RBFOX1: variants seen among roughly 807,000 people sequenced by gnomAD.
The protein encoded by RBFOX1 is RNA binding fox-1 homolog 1.
A neutral mutation model predicts 57.7 loss-of-function variants in RBFOX1; 8 were observed. The observed-to-expected ratio is 0.14, with a 90% confidence interval of 0.08 to 0.25. The LOEUF is 0.25. RBFOX1 is among the 10% of genes least tolerant of loss of function. RBFOX1 has a pLI of 1.00. For synonymous variants in RBFOX1, 326 were observed against 222.4 expected (o/e 1.47, Z -4.15); for missense variants, 611 against 548.5 (o/e 1.11, Z -1.14).
rs186654918 is a variant in RBFOX1, at chr16:5,952,664, T to G, written c.351+85329T>G. Among the ~76,000 whole-genome samples the G allele has an allele frequency of 9.2e-5, 14 of 152,236 alleles. No homozygotes were observed. In the South Asian group the frequency reaches 1.0e-3, roughly 11 times the overall value. On this transcript the variant is annotated intron_variant, in intron 4 of 19. Transcript: ENST00000641259. ...TCGATAGTGATGGGTGTAGCTGTAA[T>G]TAGTGATTCTCCCGCTTCAGAATGC...
chr16:6,721,503 A>G (rs1370396412), intron 3 of RBFOX1, among the ~76,000 whole-genome samples: 4 of 152,194 alleles, frequency 2.6e-5, no homozygotes, highest in African/African-American at 9.7e-5. Context: ...GTAATGTTAA[A>G]TGCATTCATA....
chr16:6,418,477 A>G (rs1596957076), intron 2 of RBFOX1, among the ~76,000 whole-genome samples: 2 of 150,624 alleles, frequency 1.3e-5, no homozygotes, highest in East Asian at 3.9e-4. Flanking sequence ...CTTGGAATTC[A>G]CATCATCTAC....
intron 2 of RBFOX1, among the ~76,000 whole-genome samples, chr16:6,580,968 T>C (rs984398282): frequency 6.6e-6 from 1 of 151,954 alleles, no homozygotes; most frequent in East Asian, 1.9e-4. Flanking sequence ...GGCAAGCTTC[T>C]GAAGCATTGA....
At chr16:6,373,571 T>C (rs890506966) in intron 2 of RBFOX1, among the ~76,000 whole-genome samples, 55 of 151,784 alleles carry the variant, frequency 3.6e-4, no homozygotes, top group African/African-American at 1.2e-3. Flanking sequence ...TTGTGTAGAA[T>C]GGAGATTGGG....
At chr16:5,630,457 G>GA (rs941385609) in intron 3 of RBFOX1, among the ~76,000 whole-genome samples, 4 of 151,188 alleles carry the variant, frequency 2.6e-5, no homozygotes, top group African/African-American at 9.8e-5. Context: ...ACTCTGTCTC[G>GA]AAAAAAAAGA....
intron 3 of RBFOX1, among the ~76,000 whole-genome samples, chr16:5,856,016 C>T (rs1403722442): frequency 8.8e-6 from 1 of 113,504 alleles, no homozygotes; most frequent in East Asian, 2.8e-4. Flanking sequence ...AATAAGATTA[C>T]TTTCCTAATT....
chr16:7,348,854 A>C (rs888765457), intron 4 of RBFOX1, among the ~76,000 whole-genome samples: 2 of 152,120 alleles, frequency 1.3e-5, no homozygotes, highest in African/African-American at 4.8e-5. Flanking sequence ...AGGCAGGAGA[A>C]TCCCTTGAAC....
chr16:6,710,810 C>G (rs1316912934), intron 3 of RBFOX1, among the ~76,000 whole-genome samples: 1 of 152,188 alleles, frequency 6.6e-6, no homozygotes, highest in African/African-American at 2.4e-5. Flanking sequence ...AATGAGAGAT[C>G]CTCTTCCCCT....
intron 4 of RBFOX1, among the ~76,000 whole-genome samples, chr16:7,405,781 T>G (rs905378777): frequency 6.6e-6 from 1 of 152,146 alleles, no homozygotes; most frequent in Non-Finnish European, 1.5e-5. Flanking sequence ...TTTTGCCTGG[T>G]AAGTAAAGGT....
intron 2 of RBFOX1, among the ~76,000 whole-genome samples, chr16:6,517,398 C>G (rs964524593): frequency 6.6e-6 from 1 of 152,104 alleles, no homozygotes; most frequent in Non-Finnish European, 1.5e-5. Context: ...TTAGGCATGA[C>G]AGTTTATTAC....
intron 3 of RBFOX1, among the ~76,000 whole-genome samples, chr16:6,750,672 A>T (rs1191720402): frequency 1.3e-5 from 2 of 152,336 alleles, no homozygotes; most frequent in East Asian, 3.9e-4. Context: ...AGGGGTGTTC[A>T]TTGATTCATT....
intron 3 of RBFOX1, among the ~76,000 whole-genome samples, chr16:5,793,877 G>A (rs951047512): frequency 2.0e-5 from 3 of 152,212 alleles, no homozygotes; most frequent in South Asian, 2.1e-4. Flanking sequence ...AATCCAGCAC[G>A]TTCTCCCTGA....
At chr16:5,857,153 C>G (rs1411377665) in intron 3 of RBFOX1, among the ~76,000 whole-genome samples, 1 of 152,040 alleles carries the variant, frequency 6.6e-6, no homozygotes, top group Non-Finnish European at 1.5e-5. Context: ...TATTGTGTCT[C>G]AGAGAATAGG....
intron 1 of RBFOX1, among the ~76,000 whole-genome samples, chr16:6,070,669 A>G (rs888974091): frequency 6.6e-6 from 1 of 152,128 alleles, no homozygotes; most frequent in African/African-American, 2.4e-5. Context: ...GCTTTTCTAA[A>G]AAAAAAATTC....
chr16:6,802,106 T>G (rs2085609668), intron 3 of RBFOX1, among the ~76,000 whole-genome samples: 1 of 152,080 alleles, frequency 6.6e-6, no homozygotes, highest in Non-Finnish European at 1.5e-5. Flanking sequence ...CAAGTCCTGT[T>G]AAGAAATCCT....
intron 4 of RBFOX1, among the ~76,000 whole-genome samples, chr16:7,455,359 G>C (rs919653737): frequency 6.6e-6 from 1 of 152,122 alleles, no homozygotes; most frequent in South Asian, 2.1e-4. Flanking sequence ...GTGCATGTAT[G>C]TCTCTGTGCA....
At chr16:6,829,368 C>G (rs1043293365) in intron 3 of RBFOX1, among the ~76,000 whole-genome samples, 4 of 150,742 alleles carry the variant, frequency 2.7e-5, no homozygotes, top group Middle Eastern at 3.5e-3. Context: ...AATGTGTACA[C>G]ACACATACAT....
rs543502353 is a variant in RBFOX1 at position 7,690,748 on chromosome 16, C to A, written c.995+13910C>A. ...CATATGTGTCTCTGGTCATCTGGGG[C>A]AAATGGCTTGAGAGAGGGTCATAGA... On this transcript the variant is annotated intron_variant, in intron 14 of 15. Transcript: ENST00000550418. Among the ~76,000 whole-genome samples the A allele has an allele frequency of 4.6e-5, 7 of 152,150 alleles. No individual in the cohort carries two copies. The South Asian group carries it at 1.5e-3, about 32-fold the overall frequency.
intron 3 of RBFOX1, among the ~76,000 whole-genome samples, chr16:6,757,027 G>A (rs1377512429): frequency 2.2e-5 from 1 of 44,616 alleles, no homozygotes; most frequent in African/African-American, 5.4e-5. Context: ...ACATACAAAT[G>A]GCCAACAGGT....
Sources: gnomAD v4.1 joint callset for allele counts (sites outside exome capture counted in the v4.1 genomes callset) on GRCh38, gnomAD v4.1.1 for gene constraint, MANE v1.5 for transcripts, NCBI Gene and HGNC (gene_info 2026-07-23, HGNC 2026-07-21) for gene names.